SLC30A9: variants seen among roughly 807,000 people sequenced by gnomAD.
SLC30A9 encodes the protein proton-coupled zinc antiporter SLC30A9, mitochondrial.
Under a neutral mutation model 87.5 loss-of-function variants are expected in SLC30A9, and 58 were observed. The ratio of observed to expected loss-of-function variants is 0.66; its 90% CI spans 0.54 to 0.82. The LOEUF (loss-of-function observed/expected upper bound fraction) is 0.82, where lower values mean the gene tolerates loss of function less well. SLC30A9 is among the 40% of genes least tolerant of loss of function. The pLI is 0.00. For missense variants in SLC30A9, 557 were observed against 679.1 expected (o/e 0.82, Z 2.00); for synonymous variants, 234 against 233.0 (o/e 1.00, Z -0.04).
intron 1 of SLC30A9, among the ~76,000 whole-genome samples, chr4:41,999,864 A>G (rs1714902259): frequency 6.6e-6 from 1 of 152,042 alleles, no homozygotes; most frequent in South Asian, 2.1e-4. Context: ...AATTTCTGGT[A>G]ATGGTGTTAT....
intron 1 of SLC30A9, among the ~76,000 whole-genome samples, chr4:41,994,815 C>T (rs1714621906): frequency 9.1e-6 from 1 of 110,288 alleles, no homozygotes; most frequent in South Asian, 3.6e-4. Flanking sequence ...TTGAACCCGT[C>T]AGATGTGGTC....
chr4:42,076,743 C>G (rs148140321), intron 16 of SLC30A9, among the ~76,000 whole-genome samples: 5,681 of 152,052 alleles, frequency 0.037, 138 homozygotes, highest in African/African-American at 0.042. Flanking sequence ...GTGGGCGGAT[C>G]ACGAGGTCAA....
chr4:42,074,813 T>C (rs1166407098), intron 15 of SLC30A9, among the ~76,000 whole-genome samples: 6 of 151,822 alleles, frequency 4.0e-5, no homozygotes, highest in Non-Finnish European at 2.9e-5. Context: ...CAGTTATTAT[T>C]AACCTCATTC....
rs756107384 is a variant in SLC30A9, at chr4:42,049,362, C to A, written c.738-15C>A. 13 of 1,555,054 alleles carry A rather than the reference C, an allele frequency of 8.4e-6. No homozygotes were observed. In the Middle Eastern group the frequency reaches 5.1e-4, roughly 61 times the overall value. ...GTCCAAACCTATGCTAAATTGTTTT[C>A]TCTTTCTCTTCTAGCAATGGATTAA... On this transcript the variant is annotated splice_polypyrimidine_tract_variant and intron_variant, in intron 8 of 17. Transcript: ENST00000264451.
At chr4:42,001,475 G>A (rs1180458888) in intron 1 of SLC30A9, 141 bp from the exon 2 acceptor site, 10 of 486,890 alleles carry the variant, frequency 2.1e-5, no homozygotes, top group South Asian at 4.6e-5. Flanking sequence ...AAATTAGAAT[G>A]TTGTCACTAA....
chr4:42,045,437 C>T (rs540486375), intron 8 of SLC30A9, among the ~76,000 whole-genome samples: 17 of 152,236 alleles, frequency 1.1e-4, no homozygotes, highest in East Asian at 3.9e-4. Flanking sequence ...ATAAACACCT[C>T]TACGCAAATA....
At chr4:42,064,040 T>C (rs1309742412) in intron 11 of SLC30A9, among the ~76,000 whole-genome samples, 1 of 152,080 alleles carries the variant, frequency 6.6e-6, no homozygotes, top group African/African-American at 2.4e-5. Flanking sequence ...ATACAGCCAA[T>C]ATCAGTTAGT....
At chr4:42,064,680 A>C (rs1224074968) in intron 11 of SLC30A9, among the ~76,000 whole-genome samples, 1 of 152,160 alleles carries the variant, frequency 6.6e-6, no homozygotes, top group Non-Finnish European at 1.5e-5. Context: ...TTAAATTTTC[A>C]GTTGTGTATA....
chr4:42,027,211 T>C (rs1716230340), intron 6 of SLC30A9, among the ~76,000 whole-genome samples: 1 of 152,282 alleles, frequency 6.6e-6, no homozygotes, highest in South Asian at 2.1e-4. Context: ...AGAGTAACAA[T>C]ATTTTGTGAC....
intron 10 of SLC30A9, among the ~76,000 whole-genome samples, chr4:42,061,144 A>G (rs1468608442): frequency 1.3e-5 from 2 of 152,186 alleles, no homozygotes; most frequent in African/African-American, 4.8e-5. Flanking sequence ...TTTCTTCTCA[A>G]GGTATTTTTA....
Position 42,065,353 on chromosome 4 carries a change from T to TGAACTTC in SLC30A9, c.1072+5_1072+6insAACTTCG. 7.5e-7 allele frequency: 1 copy of TGAACTTC among 1,327,742 alleles called. No individual in the cohort carries two copies. Among genetic ancestry groups the TGAACTTC allele is most frequent in the Non-Finnish European group, 1.1e-6 (1 of 923,232 alleles). 82.2% of individuals were successfully genotyped at this position (1,327,742 alleles called of 1,614,324 possible). On this transcript the variant is annotated splice_donor_region_variant and intron_variant, in intron 12 of 17. Transcript: ENST00000264451. ...GGATCATTAGTATCTGAAGGAGGTA[T>TGAACTTC]GTACTGTCACAAAGTATGTCTCTAT...
At chr4:42,073,189 G>A (rs1003720515) in intron 15 of SLC30A9, among the ~76,000 whole-genome samples, 25 of 152,112 alleles carry the variant, frequency 1.6e-4, no homozygotes, top group African/African-American at 4.3e-4. Context: ...TGAAAGTATC[G>A]AAGTCTCTAG....
chr4:42,086,219 C>G lies in SLC30A9; in HGVS notation c.*93C>G. ...TCCTCCTCTCCTACACTGAAAGACT[C>G]AGTGCCATGCAGAAGCCTTTTTTTT... On this transcript the variant is annotated 3_prime_UTR_variant, in exon 18 of 18. Coordinates refer to ENST00000264451, the MANE Select transcript of SLC30A9 (RefSeq NM_006345.4). The G allele has an allele frequency of 1.5e-6, 1 of 663,648 alleles. No homozygotes were observed. The highest frequency in any genetic ancestry group is 2.5e-6 in the Non-Finnish European group (1 of 401,526). 41.1% of individuals were successfully genotyped at this position (663,648 alleles called of 1,614,324 possible).
At chr4:42,003,814 C>T (rs1002252227) in intron 2 of SLC30A9, among the ~76,000 whole-genome samples, 7 of 152,004 alleles carry the variant, frequency 4.6e-5, no homozygotes, top group Non-Finnish European at 8.8e-5. Flanking sequence ...CTCTTTCTCT[C>T]ATTTGAAAGT....
intron 16 of SLC30A9, among the ~76,000 whole-genome samples, chr4:42,076,974 A>AAG (rs1553919333): frequency 1.6e-4 from 22 of 141,248 alleles, no homozygotes; most frequent in Admixed American, 8.6e-4. Context: ...AAAAAAAAAA[A>AAG]AAAGAAAGAA....
In SLC30A9 at chr4:42,070,437, T is replaced by C. The variant is rs138938425; in HGVS notation, c.1253-89T>C. 575 of 997,892 alleles carry C rather than the reference T, an allele frequency of 5.8e-4. 1 individual carries two copies. In the African/African-American group the frequency reaches 8.6e-3, roughly 15 times the overall value. 61.8% of individuals were successfully genotyped at this position (997,892 alleles called of 1,614,324 possible). A position where few individuals can be genotyped will look rare whatever the true frequency, so the allele number is the denominator to read the frequency against. ...TAGGAATAAATTTCAAGTGCCTTGATTTACTCGTTCTGGTTCTTTGCTCTC... is the reference window on the plus strand; with the variant it reads ...TAGGAATAAATTTCAAGTGCCTTGACTTACTCGTTCTGGTTCTTTGCTCTC... On this transcript the variant is annotated intron_variant, in intron 14 of 17. Transcript: ENST00000264451.
At chr4:41,997,799 C>T (rs73810464) in intron 1 of SLC30A9, among the ~76,000 whole-genome samples, 146 of 152,248 alleles carry the variant, frequency 9.6e-4, no homozygotes, top group African/African-American at 2.5e-3. Flanking sequence ...TATATAACCT[C>T]TTAGTAACCT....
At chr4:42,021,412 G>T (rs557181651) in intron 4 of SLC30A9, among the ~76,000 whole-genome samples, 1 of 152,032 alleles carries the variant, frequency 6.6e-6, no homozygotes. Flanking sequence ...TTAAATCTAG[G>T]TTTAATTTCT....
At chr4:42,029,944 C>T in intron 6 of SLC30A9, 1 of 828,464 alleles carries the variant, frequency 1.2e-6, no homozygotes, top group East Asian at 3.3e-5. Flanking sequence ...CAGAATTATC[C>T]CTACTATGGC....
Sources: gnomAD v4.1 joint callset for allele counts (sites outside exome capture counted in the v4.1 genomes callset) on GRCh38, gnomAD v4.1.1 for gene constraint, MANE v1.5 for transcripts, NCBI Gene and HGNC (gene_info 2026-07-23, HGNC 2026-07-21) for gene names.